The following GCSAML variants were observed in gnomAD, a reference collection of about 807,000 sequenced individuals.
GCSAML encodes germinal center-associated signaling and motility-like protein.
GCSAML carries 9 observed loss-of-function variants against 13.0 expected under a neutral mutation model. That is an observed-to-expected ratio of 0.69 (90% CI 0.42 to 1.21). The LOEUF (loss-of-function observed/expected upper bound fraction) is 1.21, where lower values mean the gene tolerates loss of function less well. GCSAML is among the 50% of genes most tolerant of loss of function. The pLI is 0.00. For synonymous variants in GCSAML, 37 were observed against 52.9 expected (o/e 0.70, Z 1.31); for missense variants, 143 against 153.4 (o/e 0.93, Z 0.36).
At chr1:247,545,920 G>T (rs1190929422), upstream of GCSAML, among the ~76,000 whole-genome samples, 4 of 152,072 alleles carry the variant, frequency 2.6e-5, no homozygotes, top group African/African-American at 9.7e-5. Context: ...TTCGTCAAGA[G>T]TGTAGATCTC....
chr1:247,536,189 A>G (rs1667210623), intron 2 of GCSAML: 1 of 152,226 alleles, frequency 6.6e-6, no homozygotes, highest in Non-Finnish European at 1.5e-5. Flanking sequence ...TAGCAGCATC[A>G]TCTCTATTTA....
upstream of GCSAML, among the ~76,000 whole-genome samples, chr1:247,545,590 C>A (rs531567036): frequency 6.6e-6 from 1 of 152,100 alleles, no homozygotes; most frequent in East Asian, 1.9e-4. Context: ...GGTATGAGAG[C>A]CCTCATCGTG....
chr1:247,555,265 C>A (rs1412926357), intron 1 of GCSAML, among the ~76,000 whole-genome samples: 1 of 152,030 alleles, frequency 6.6e-6, no homozygotes, highest in African/African-American at 2.4e-5. Context: ...CTTTATTGAC[C>A]AGTTTAGGAA....
intron 1 of GCSAML, among the ~76,000 whole-genome samples, chr1:247,521,579 G>A (rs1018144054): frequency 3.9e-5 from 6 of 152,192 alleles, no homozygotes; most frequent in African/African-American, 1.4e-4. Context: ...ACGGGGTTTC[G>A]CTGTGTTGGC....
chr1:247,519,010 A>G (rs1666324333), intron 1 of GCSAML, among the ~76,000 whole-genome samples: 1 of 152,052 alleles, frequency 6.6e-6, no homozygotes, highest in African/African-American at 2.4e-5. Context: ...AAAAGCGCCG[A>G]GATTGTGCCA....
rs543552333 is a variant in GCSAML at position 247,568,448 on chromosome 1, T to C, written c.168+2489T>C. 2.6e-5 allele frequency among the ~76,000 whole-genome samples: 4 copies of C among 152,250 alleles called. 1 individual carries two copies. Among genetic ancestry groups the C allele is most frequent in the Non-Finnish European group, 5.9e-5 (4 of 68,044 alleles). On this transcript the variant is annotated intron_variant, in intron 4 of 4. Coordinates refer to ENST00000366488, the MANE Select transcript of GCSAML (RefSeq NM_145278.5). ...AAATAGTGAATCATTTCCCCATTGC[T>C]TGCTTTTCTCAGGTTTGTCAAAGAT...
chr1:247,509,896 T>A (rs933943240), intron 1 of GCSAML, among the ~76,000 whole-genome samples: 1 of 152,142 alleles, frequency 6.6e-6, no homozygotes, highest in Non-Finnish European at 1.5e-5. Flanking sequence ...CTGCTGGATT[T>A]GGTTTGCCAG....
intron 2 of GCSAML, among the ~76,000 whole-genome samples, chr1:247,539,240 T>G (rs1294841126): frequency 6.6e-6 from 1 of 152,184 alleles, no homozygotes; most frequent in Admixed American, 6.5e-5. Context: ...AGGTAATCAG[T>G]AATCTGCTCA....
At chr1:247,560,515 T>C (rs369986265) in intron 2 of GCSAML, among the ~76,000 whole-genome samples, 4 of 152,168 alleles carry the variant, frequency 2.6e-5, no homozygotes, top group Non-Finnish European at 5.9e-5. Context: ...CCATGAAAGT[T>C]TGAAAACTCA....
chr1:247,530,896 AC>A (rs949649178), intron 2 of GCSAML: 4 of 151,988 alleles, frequency 2.6e-5, no homozygotes, highest in African/African-American at 9.7e-5. Flanking sequence ...TACCGCCGCC[AC>A]CCGAAGGCGC....
rs550306837 is a variant in GCSAML, at chr1:247,512,336, G to A, written c.-263+5103G>A. On this transcript the variant is annotated intron_variant, in intron 1 of 5. Coordinates refer to the GCSAML transcript ENST00000366489. ...CTTGTGTATGCTTCAAGAAGTTCTC[G>A]TGATGTGTTTTTCAGCTCCATCAGG... Among the ~76,000 whole-genome samples, 60 of 151,740 alleles carry A rather than the reference G, an allele frequency of 4.0e-4. 1 individual carries two copies. In the South Asian group the frequency reaches 0.011, roughly 27 times the overall value.
At chr1:247,541,487 T>C (rs1475042072) in intron 2 of GCSAML, among the ~76,000 whole-genome samples, 5 of 152,152 alleles carry the variant, frequency 3.3e-5, no homozygotes, top group Non-Finnish European at 5.9e-5. Context: ...TGGCTGAAAC[T>C]GGGGTGCAGA....
At chr1:247,538,093 A>G (rs747092276) in intron 2 of GCSAML, among the ~76,000 whole-genome samples, 2 of 152,222 alleles carry the variant, frequency 1.3e-5, no homozygotes, top group East Asian at 1.9e-4. Flanking sequence ...ATGTACTTCT[A>G]TGATTACTTC....
At chr1:247,531,347 A>C (rs1301474012) in intron 2 of GCSAML, 6 of 602,490 alleles carry the variant, frequency 1.0e-5, no homozygotes, top group Non-Finnish European at 1.2e-5. Context: ...CCAACAACGC[A>C]ATTGAACAAA....
chr1:247,521,433 G>A (rs954792303), intron 1 of GCSAML, among the ~76,000 whole-genome samples: 11 of 150,836 alleles, frequency 7.3e-5, no homozygotes, highest in East Asian at 2.0e-4. Flanking sequence ...GATGCCGAGC[G>A]GAAGCTGGAC....
chr1:247,538,955 C>T (rs1002693011), intron 2 of GCSAML, among the ~76,000 whole-genome samples: 12 of 152,234 alleles, frequency 7.9e-5, no homozygotes, highest in African/African-American at 2.4e-4. Context: ...GTCTCCTCTT[C>T]TCAGTTGATG....
chr1:247,511,136 T>C (rs2103295929), intron 1 of GCSAML, among the ~76,000 whole-genome samples: 1 of 151,920 alleles, frequency 6.6e-6, no homozygotes, highest in East Asian at 1.9e-4. Flanking sequence ...AAGTCTCTTA[T>C]TATTGTGTGG....
intron 1 of GCSAML, among the ~76,000 whole-genome samples, chr1:247,551,785 A>G (rs1404311023): frequency 2.6e-5 from 4 of 152,232 alleles, no homozygotes; most frequent in African/African-American, 4.8e-5. Context: ...CAAATTTTGG[A>G]TAGCCATGTG....
chr1:247,531,629 T>G, intron 2 of GCSAML: 1 of 1,614,162 alleles, frequency 6.2e-7, no homozygotes, highest in Non-Finnish European at 8.5e-7. Context: ...ACCTCCGTGT[T>G]CCTCAGGGTG....
Sources: gnomAD v4.1 joint callset for allele counts (sites outside exome capture counted in the v4.1 genomes callset) on GRCh38, gnomAD v4.1.1 for gene constraint, MANE v1.5 for transcripts, NCBI Gene and HGNC (gene_info 2026-07-23, HGNC 2026-07-21) for gene names.